The following PAICS variants were observed in gnomAD, a reference collection of about 807,000 sequenced individuals.
The protein encoded by PAICS is phosphoribosylaminoimidazole carboxylase and phosphoribosylaminoimidazolesuccinocarboxamide synthase.
PAICS carries 33 observed loss-of-function variants against 53.7 expected under a neutral mutation model. That is an observed-to-expected ratio of 0.61 (90% CI 0.47 to 0.82). The LOEUF (loss-of-function observed/expected upper bound fraction) is 0.82, where lower values mean the gene tolerates loss of function less well. Among genes scored for constraint, PAICS ranks in the 40% least tolerant of loss-of-function variants. PAICS has a pLI of 0.00. For synonymous variants in PAICS, 141 were observed against 167.2 expected (o/e 0.84, Z 1.21); for missense variants, 394 against 494.1 (o/e 0.80, Z 1.92).
At chr4:56,428,285 T>G in the PAICS span, among the ~76,000 whole-genome samples, 158 of 152,284 alleles carry the variant, frequency 1.0e-3, no homozygotes, top group Non-Finnish European at 1.8e-3. Flanking sequence ...TTACAGATTA[T>G]AACAGTGAGT....
the PAICS span, among the ~76,000 whole-genome samples, chr4:56,417,517 C>T: frequency 6.6e-6 from 1 of 152,160 alleles, no homozygotes; most frequent in Non-Finnish European, 1.5e-5. Flanking sequence ...CACAGTGACT[C>T]ACACCTGTAA....
At chr4:56,433,234 CAAG>C (rs1307548915), upstream of PAICS, among the ~76,000 whole-genome samples, 4 of 151,634 alleles carry the variant, frequency 2.6e-5, no homozygotes, top group African/African-American at 9.7e-5. Context: ...TATGCCTACA[CAAG>C]AGAAATGTTA....
the PAICS span, among the ~76,000 whole-genome samples, chr4:56,430,408 G>A: frequency 1.3e-5 from 2 of 151,976 alleles, no homozygotes; most frequent in African/African-American, 4.8e-5. Flanking sequence ...AGAAGTCTAC[G>A]CTCCTGAACC....
chr4:56,410,960 A>G, the PAICS span: 75 of 963,150 alleles, frequency 7.8e-5, no homozygotes, highest in Non-Finnish European at 8.7e-5. Context: ...TTTGTTTTAC[A>G]GTTTTATGAA....
upstream of PAICS, chr4:56,435,849 A>T (rs77399495): frequency 2.0e-3 from 3,009 of 1,491,958 alleles, 63 homozygotes; most frequent in African/African-American, 0.036. Flanking sequence ...GGAGTAACGG[A>T]CTTAACCTCA....
rs1446152874 is a variant in PAICS at position 56,461,213 on chromosome 4, C to T, written c.*1675C>T. The T allele has an allele frequency of 2.0e-5, 3 of 152,202 alleles. No individual in the cohort carries two copies. The highest frequency in any genetic ancestry group is 7.2e-5 in the African/African-American group (3 of 41,458). The allele number at this position is 152,202 out of a possible 1,614,324, so 9.4% of individuals were successfully genotyped here. On this transcript the variant is annotated 3_prime_UTR_variant, in exon 9 of 9. Coordinates refer to ENST00000512576, the MANE Select transcript of PAICS (RefSeq NM_001079524.2). ...GTCCAGAATAGAAGATGTCATTGTA[C>T]ACTTTATTTCCCTCACACTGTGTTA...
At chr4:56,435,571 G>C (rs1480168627), upstream of PAICS, 3 of 1,591,942 alleles carry the variant, frequency 1.9e-6, no homozygotes, top group East Asian at 2.2e-5. Flanking sequence ...TCAGAAGCTC[G>C]CGCTCGCGAC....
At chr4:56,417,383 T>C in the PAICS span, among the ~76,000 whole-genome samples, 1 of 152,120 alleles carries the variant, frequency 6.6e-6, no homozygotes, top group African/African-American at 2.4e-5. Flanking sequence ...TTTTAATGAC[T>C]TAAAACTCAT....
intron 2 of PAICS, among the ~76,000 whole-genome samples, chr4:56,445,558 G>T (rs1718571882): frequency 6.6e-6 from 1 of 152,088 alleles, no homozygotes; most frequent in African/African-American, 2.4e-5. Context: ...CTGCACTCCA[G>T]CCTGTGTGAC....
At position 56,448,706 on chromosome 4, in the gene PAICS, C is replaced by T; in HGVS notation, c.574-4C>T. ...TGAAAACTTTGTTGACATGCTGTTT[C>T]CAGATTGAATTTGGTGTTGATGTAA... On this transcript the variant is annotated splice_polypyrimidine_tract_variant and splice_region_variant and intron_variant, in intron 4 of 8. Transcript: ENST00000512576. 1.9e-6 allele frequency: 3 copies of T among 1,559,750 alleles called. No individual in the cohort carries two copies. Among genetic ancestry groups the T allele is most frequent in the Non-Finnish European group, 2.6e-6 (3 of 1,140,212 alleles).
intron 5 of PAICS, 106 bp from the exon 6 acceptor site, chr4:56,450,513 C>G: frequency 1.6e-6 from 1 of 636,180 alleles, no homozygotes. Flanking sequence ...TCAGAAGTAT[C>G]CCTTGCTATA....
the PAICS span, chr4:56,422,825 T>C: frequency 6.6e-6 from 1 of 152,172 alleles, no homozygotes; most frequent in Non-Finnish European, 1.5e-5. Flanking sequence ...ATGGAAGCAA[T>C]GTTCCCCATC....
the PAICS span, chr4:56,414,103 T>C: frequency 1.3e-5 from 2 of 152,214 alleles, no homozygotes; most frequent in Non-Finnish European, 2.9e-5. Context: ...TTATGATTTA[T>C]TTGATCTGCA....
the PAICS span, among the ~76,000 whole-genome samples, chr4:56,417,858 T>TTTTTTTTTTTTTTTTTTTTTTTG: frequency 6.8e-6 from 1 of 147,810 alleles, no homozygotes; most frequent in African/African-American, 2.5e-5. Flanking sequence ...TTTTTTTTTT[T>TTTTTTTTTTTTTTTTTTTTTTTG]TGAGACAGAG....
intron 5 of PAICS, among the ~76,000 whole-genome samples, chr4:56,450,003 G>A (rs1337491740): frequency 6.6e-6 from 1 of 151,436 alleles, no homozygotes; most frequent in Admixed American, 6.6e-5. Context: ...GAAAAAGAAT[G>A]AGATCATGTC....
the PAICS span, among the ~76,000 whole-genome samples, chr4:56,426,106 A>G: frequency 6.6e-6 from 1 of 152,172 alleles, no homozygotes; most frequent in African/African-American, 2.4e-5. Context: ...TCACCCCACA[A>G]AGAAATCCCG....
upstream of PAICS, among the ~76,000 whole-genome samples, chr4:56,432,513 G>A (rs1717641307): frequency 7.1e-6 from 1 of 140,238 alleles, no homozygotes; most frequent in Non-Finnish European, 1.5e-5. Context: ...GTGACAGAGT[G>A]AGACCCTGTC....
chr4:56,445,918 G>A (rs530544521), intron 2 of PAICS, among the ~76,000 whole-genome samples: 1 of 152,302 alleles, frequency 6.6e-6, no homozygotes, highest in East Asian at 1.9e-4. Context: ...ATACAGCAAA[G>A]TGGTTAAGTG....
chr4:56,434,578 T>C (rs760310517), upstream of PAICS, among the ~76,000 whole-genome samples: 19 of 152,152 alleles, frequency 1.2e-4, no homozygotes, highest in Non-Finnish European at 2.4e-4. Context: ...CAAAATCAAG[T>C]GTATGGATCT....
Sources: allele counts gnomAD v4.1 joint callset (sites outside exome capture counted in the v4.1 genomes callset), GRCh38; gene constraint gnomAD v4.1.1; transcripts MANE v1.5; gene names NCBI Gene and HGNC (gene_info 2026-07-23, HGNC 2026-07-21).